FLT1: variants seen among roughly 807,000 people sequenced by gnomAD.
The protein encoded by FLT1 is vascular endothelial growth factor receptor 1.
A neutral mutation model predicts 156.3 loss-of-function variants in FLT1; 49 were observed. That is an observed-to-expected ratio of 0.31 (90% CI 0.25 to 0.40). FLT1 has a LOEUF of 0.40. Ranked by LOEUF, FLT1 falls within the 10% of genes least tolerant of loss-of-function variation. The pLI, the probability that FLT1 is intolerant of heterozygous loss-of-function variation, is 1.00. For synonymous variants in FLT1, 594 were observed against 583.8 expected (o/e 1.02, Z -0.25); for missense variants, 1,322 against 1,637.2 (o/e 0.81, Z 3.32).
chr13:28,340,635 T>C (rs1168061789), intron 16 of FLT1, among the ~76,000 whole-genome samples: 1 of 152,066 alleles, frequency 6.6e-6, no homozygotes, highest in Non-Finnish European at 1.5e-5. Context: ...GGGATCAGAG[T>C]TGGAATGGAG....
Position 28,302,595 on chromosome 13 carries a change from G to A in FLT1, c.*572C>T, listed in dbSNP as rs191955653. On this transcript the variant is annotated 3_prime_UTR_variant, in exon 30 of 30. Transcript: ENST00000282397. The stretch of plus-strand genomic sequence containing the variant: ...GAAGCCACTGAAATGGCATTGCTGA[G>A]CCCCGTCCCCCTCCGTGCCCACATG... 1.3e-3 allele frequency: 313 copies of A among 234,386 alleles called. No homozygotes were observed. The highest frequency in any genetic ancestry group is 2.3e-3 in the Non-Finnish European group (278 of 118,828). 14.5% of individuals were successfully genotyped at this position (234,386 alleles called of 1,614,324 possible).
At chr13:28,471,675 A>T (rs1880189685) in intron 1 of FLT1, among the ~76,000 whole-genome samples, 1 of 152,192 alleles carries the variant, frequency 6.6e-6, no homozygotes, top group Non-Finnish European at 1.5e-5. Context: ...TTTCATTTTC[A>T]AGGGTGGAGT....
chr13:28,447,127 G>T (rs904226431), intron 3 of FLT1, among the ~76,000 whole-genome samples: 1 of 128,224 alleles, frequency 7.8e-6, no homozygotes, highest in African/African-American at 2.8e-5. Context: ...ACCAAAAACT[G>T]CTAACTATAA....
intron 3 of FLT1, among the ~76,000 whole-genome samples, chr13:28,440,103 AC>A (rs1026851542): frequency 7.2e-5 from 11 of 151,872 alleles, no homozygotes; most frequent in African/African-American, 2.4e-4. Flanking sequence ...TCCTTCCTGC[AC>A]CCTTCTCCAC....
chr13:28,489,378 A>G (rs1386993743), intron 1 of FLT1, among the ~76,000 whole-genome samples: 1 of 152,206 alleles, frequency 6.6e-6, no homozygotes, highest in Non-Finnish European at 1.5e-5. Flanking sequence ...ACTAGGCTTT[A>G]TATTAGGTGC....
At chr13:28,464,574 T>C (rs7323184) in intron 3 of FLT1, among the ~76,000 whole-genome samples, 22,683 of 152,296 alleles carry the variant, frequency 0.15, 3,095 homozygotes, top group African/African-American at 0.36. Flanking sequence ...GGGAGGCACA[T>C]TGCAGATAAA....
At position 28,321,443 on chromosome 13, in the gene FLT1, T is replaced by C; in HGVS notation, c.3174+20A>G. On this transcript the variant is annotated intron_variant, in intron 23 of 29. Coordinates refer to ENST00000282397, the MANE Select transcript of FLT1 (RefSeq NM_002019.4). Reference sequence around the variant, plus strand: ...AGTGATAGGACACACATGAGTCAAATAAACATCAAACTGACTTACATCTCC... The same window carrying C: ...AGTGATAGGACACACATGAGTCAAACAAACATCAAACTGACTTACATCTCC... 2 of 1,613,392 alleles carry C rather than the reference T, an allele frequency of 1.2e-6. No individual in the cohort carries two copies. Among genetic ancestry groups the C allele is most frequent in the Non-Finnish European group, 1.7e-6 (2 of 1,179,826 alleles).
chr13:28,329,670 G>A lies in FLT1; in HGVS notation c.2652C>T (p.His884=). 3 of 1,614,232 alleles carry A rather than the reference G, an allele frequency of 1.9e-6. No individual in the cohort carries two copies. Among genetic ancestry groups the A allele is most frequent in the South Asian group, 2.2e-5 (2 of 91,088 alleles). Residue 884 remains histidine, a synonymous_variant, in exon 19 of 30, where the codon CAC becomes CAT. Coordinates refer to ENST00000282397, the MANE Select transcript of FLT1 (RefSeq NM_002019.4). ...TAACCACGTTCAGATGGTGGCCAAT[G>A]TGGGTCAAGATTTTTAGCTCAGTCA... The part of the protein sequence containing the change: ...ALMTELKILT[H]IGHHLNVVNL...
rs1291565103 is a variant in FLT1 at position 28,322,914 on chromosome 13, T to G, written c.2829A>C (p.Glu943Asp). The G allele has an allele frequency of 2.5e-6, 4 of 1,614,074 alleles. No individual in the cohort carries two copies. Among genetic ancestry groups the G allele is most frequent in the Non-Finnish European group, 3.4e-6 (4 of 1,180,048 alleles). ...CTTGTTCCAGGCCTGGCTCCATTTT[T>G]TCTTTCTTAGGCTCCATGTGTAGTG... ...DAALHMEPKKEKMEPGLEQGK... is the reference protein window; with the variant it reads ...DAALHMEPKKDKMEPGLEQGK... The change falls in exon 21 of 30, where the codon GAA (glutamate) becomes GAC (aspartate). Residue 943 changes from glutamate (E) to aspartate (D), a missense_variant. Physicochemically the swap from Glu to Asp is conservative, Grantham distance 45. Coordinates refer to ENST00000282397, the MANE Select transcript of FLT1 (RefSeq NM_002019.4). The surrounding 1 kb of genome is among the most constrained non-coding windows in gnomAD (Gnocchi z 4.3).
At chr13:28,346,495 A>G (rs547894782) in intron 15 of FLT1, among the ~76,000 whole-genome samples, 1 of 152,126 alleles carries the variant, frequency 6.6e-6, no homozygotes, top group African/African-American at 2.4e-5. Context: ...TAAGGAGGGA[A>G]GATTGCTGGA....
chr13:28,492,463 T>C (rs1465929090), intron 1 of FLT1, among the ~76,000 whole-genome samples: 2 of 152,234 alleles, frequency 1.3e-5, no homozygotes, highest in African/African-American at 4.8e-5. Context: ...TCTTTTTATT[T>C]CCCAGAATGT....
intron 13 of FLT1, chr13:28,388,055 T>G (rs1185122429): frequency 9.4e-7 from 1 of 1,058,954 alleles, no homozygotes; most frequent in Non-Finnish European, 1.1e-6. Flanking sequence ...TAGCAACTAT[T>G]AAGGCCCCCA....
chr13:28,439,793 C>T lies in FLT1; in HGVS notation c.389-1448G>A, dbSNP rs78615364. 0.017 allele frequency among the ~76,000 whole-genome samples: 2,587 copies of T among 152,130 alleles called. 65 individuals carry two copies. The highest frequency in any genetic ancestry group is 0.058 in the African/African-American group (2,392 of 41,504). On this transcript the variant is annotated intron_variant, in intron 3 of 29. Coordinates refer to ENST00000282397, the MANE Select transcript of FLT1 (RefSeq NM_002019.4). The surrounding 1 kb of genome is among the most constrained non-coding windows in gnomAD (Gnocchi z 4.1). The stretch of plus-strand genomic sequence containing the variant: ...GCAACCACCAGCATGTAGGAAGAGG[C>T]GAGGGAGGGTTCTTCTGCAGGTTTC...
Position 28,317,601 on chromosome 13 carries a change from C to A in FLT1, c.3287-4G>T, listed in dbSNP as rs573178257. On this transcript the variant is annotated splice_region_variant and splice_polypyrimidine_tract_variant and intron_variant, in intron 24 of 29. Transcript: ENST00000282397. The stretch of plus-strand genomic sequence containing the variant: ...ACTCCTGGGTATGGAGACCCACCTG[C>A]GGGAGACAATGTGGAAAACACAGGG... 3.7e-6 allele frequency: 6 copies of A among 1,602,476 alleles called. No homozygotes were observed. Among genetic ancestry groups the A allele is most frequent in the Admixed American group, 1.7e-5 (1 of 60,010 alleles).
intron 1 of FLT1, among the ~76,000 whole-genome samples, chr13:28,492,808 A>G (rs1881540891): frequency 6.6e-6 from 1 of 152,188 alleles, no homozygotes; most frequent in East Asian, 1.9e-4. Context: ...TGTTAACCAG[A>G]CAGAGAAACT....
chr13:28,337,091 C>T (rs780980868), intron 17 of FLT1, among the ~76,000 whole-genome samples: 4 of 152,038 alleles, frequency 2.6e-5, no homozygotes, highest in Admixed American at 6.5e-5. Flanking sequence ...GAATTATCTC[C>T]TAACTTCTGT....
chr13:28,321,685 A>T (rs1871468104), intron 22 of FLT1, 100 bp from the exon 23 acceptor site: 2 of 1,264,868 alleles, frequency 1.6e-6, no homozygotes, highest in Non-Finnish European at 2.3e-6. Context: ...AATCCATTTC[A>T]CATGCTGTGA....
chr13:28,414,239 C>T (rs1403435951), intron 10 of FLT1, among the ~76,000 whole-genome samples: 1 of 152,182 alleles, frequency 6.6e-6, no homozygotes, highest in Non-Finnish European at 1.5e-5. Context: ...ATGTTTGTTT[C>T]ACTTCTTCTC....
chr13:28,341,975 C>T (rs552522123), intron 16 of FLT1, among the ~76,000 whole-genome samples: 10 of 152,116 alleles, frequency 6.6e-5, no homozygotes, highest in South Asian at 4.1e-4. Flanking sequence ...CTCTGCCTCC[C>T]GGGTTCATGC....
Sources: allele counts gnomAD v4.1 joint callset (sites outside exome capture counted in the v4.1 genomes callset), GRCh38; gene constraint gnomAD v4.1.1; non-coding constraint Gnocchi (gnomAD v3.1); transcripts MANE v1.5; gene names NCBI Gene and HGNC (gene_info 2026-07-23, HGNC 2026-07-21).